HACL1: variants seen among roughly 807,000 people sequenced by gnomAD.
The protein encoded by HACL1 is 1600020H07Rik.
A neutral mutation model predicts 74.2 loss-of-function variants in HACL1; 64 were observed. The ratio of observed to expected loss-of-function variants is 0.86; its 90% CI spans 0.70 to 1.06. The LOEUF is 1.06. HACL1 is among the 50% of genes least tolerant of loss of function. HACL1 has a pLI of 0.00. For synonymous variants in HACL1, 230 were observed against 238.8 expected (o/e 0.96, Z 0.34); for missense variants, 728 against 719.7 (o/e 1.01, Z -0.13).
At chr3:15,590,542 A>G (rs1025005753) in intron 4 of HACL1, among the ~76,000 whole-genome samples, 3 of 152,218 alleles carry the variant, frequency 2.0e-5, no homozygotes, top group African/African-American at 7.2e-5. Context: ...CTCACTGGTA[A>G]AGTGCCAGAG....
At position 15,588,844 on chromosome 3, in the gene HACL1, T is replaced by C. The variant is rs187344214; in HGVS notation, c.381+696A>G. Among the ~76,000 whole-genome samples, 147 of 151,772 alleles carry C rather than the reference T, an allele frequency of 9.7e-4. 1 individual carries two copies. The highest frequency in any genetic ancestry group is 3.4e-3 in the African/African-American group (140 of 41,548). On this transcript the variant is annotated intron_variant, in intron 5 of 16. Transcript: ENST00000321169. ...CTTTCCTCCTTCTAAAATAAAAATA[T>C]ACTTGTCCAGAGTCTACTGATAATC...
Position 15,573,221 on chromosome 3 carries a change from ATTCTTC to A in HACL1, c.925_930del (p.Glu309_Glu310del), listed in dbSNP as rs1213106794. ...ACAGCGGGCTTTACATTATTCCCCA[ATTCTTC>A]TGCACAGATATCAACCTAAAAAAGA... On this transcript the variant is annotated inframe_deletion, in exon 11 of 17. Coordinates refer to ENST00000321169, the MANE Select transcript of HACL1 (RefSeq NM_012260.4). 1 of 1,606,232 alleles carries A rather than the reference ATTCTTC, an allele frequency of 6.2e-7. No individual in the cohort carries two copies. Among genetic ancestry groups the A allele is most frequent in the Non-Finnish European group, 8.5e-7 (1 of 1,173,074 alleles).
chr3:15,576,848 C>T (rs1195681373), intron 9 of HACL1, among the ~76,000 whole-genome samples: 19 of 152,092 alleles, frequency 1.2e-4, no homozygotes, highest in Admixed American at 5.2e-4. Flanking sequence ...TGAGTACATA[C>T]TCAAAAATCA....
chr3:15,580,881 C>A (rs1011570149), intron 8 of HACL1, among the ~76,000 whole-genome samples: 1 of 152,172 alleles, frequency 6.6e-6, no homozygotes, highest in African/African-American at 2.4e-5. Context: ...ACAGAGCTAA[C>A]CCCAGTGGGA....
Position 15,571,786 on chromosome 3 carries a change from C to A in HACL1, c.994-17G>T, listed in dbSNP as rs200309612. 1,263 of 607,258 alleles carry A rather than the reference C, an allele frequency of 2.1e-3. 9 individuals carry two copies. The highest frequency in any genetic ancestry group is 1.2e-3 in the Non-Finnish European group (408 of 352,080). 37.6% of individuals were successfully genotyped at this position (607,258 alleles called of 1,614,324 possible). ...CTCTAAAAGCTTAAAAAAAAAAAAA[C>A]ACACACACACAAACACATAAACTTT... On this transcript the variant is annotated splice_polypyrimidine_tract_variant and intron_variant, in intron 11 of 16. Coordinates refer to ENST00000321169, the MANE Select transcript of HACL1 (RefSeq NM_012260.4).
intron 3 of HACL1, among the ~76,000 whole-genome samples, chr3:15,595,604 CTTTTTTTTTTT>C (rs764183329): frequency 1.0e-5 from 1 of 97,324 alleles, no homozygotes; most frequent in Non-Finnish European, 2.0e-5. Flanking sequence ...ATCTTTTTTC[CTTTTTTTTTTT>C]TTTTTTTTTT....
chr3:15,578,109 A>C (rs997116852), intron 9 of HACL1, among the ~76,000 whole-genome samples: 38 of 151,488 alleles, frequency 2.5e-4, no homozygotes, highest in African/African-American at 7.5e-4. Flanking sequence ...AAAAAAAAAA[A>C]AAAAAAAAAC....
intron 3 of HACL1, among the ~76,000 whole-genome samples, chr3:15,592,197 T>TACGTACACATGC (rs1559561106): frequency 5.3e-5 from 8 of 150,308 alleles, no homozygotes; most frequent in Non-Finnish European, 1.2e-4. Context: ...CATACGTATA[T>TACGTACACATGC]ATGTATACAT....
chr3:15,574,149 G>C (rs1314900372), intron 10 of HACL1, among the ~76,000 whole-genome samples: 2 of 152,200 alleles, frequency 1.3e-5, no homozygotes, highest in Non-Finnish European at 2.9e-5. Context: ...AGAATTGCTT[G>C]AGGCCAGGAG....
chr3:15,585,096 C>A, intron 7 of HACL1, 152 bp downstream of exon 7: 5 of 476,024 alleles, frequency 1.1e-5, no homozygotes, highest in South Asian at 6.9e-5. Context: ...GAAAATTAAC[C>A]CTTTGGCTAG....
chr3:15,588,911 G>C (rs2063842726), intron 5 of HACL1, among the ~76,000 whole-genome samples: 1 of 152,004 alleles, frequency 6.6e-6, no homozygotes, highest in South Asian at 2.1e-4. Context: ...TAAAGTCTGG[G>C]AGGCATAGTC....
chr3:15,562,040 C>T (rs80243731), intron 16 of HACL1, among the ~76,000 whole-genome samples: 7,384 of 152,184 alleles, frequency 0.049, 250 homozygotes, highest in Non-Finnish European at 0.073. Context: ...GCCTGATGCC[C>T]GGAGGAGGGT....
At chr3:15,596,780 AG>A (rs2064074215) in intron 2 of HACL1, among the ~76,000 whole-genome samples, 1 of 152,096 alleles carries the variant, frequency 6.6e-6, no homozygotes, top group African/African-American at 2.4e-5. Context: ...ATCTTTTCAA[AG>A]AACAAATTTT....
intron 2 of HACL1, among the ~76,000 whole-genome samples, chr3:15,596,805 A>G (rs922312717): frequency 6.6e-6 from 1 of 152,000 alleles, no homozygotes; most frequent in African/African-American, 2.4e-5. Context: ...AGTTCTTCGA[A>G]AATTTTTGTT....
intron 9 of HACL1, among the ~76,000 whole-genome samples, chr3:15,577,654 T>C (rs1004790586): frequency 2.5e-4 from 38 of 151,952 alleles, no homozygotes; most frequent in African/African-American, 8.9e-4. Flanking sequence ...AGCTGGGTTG[T>C]AGTGGCACAC....
chr3:15,576,271 AT>A (rs1373901570), intron 9 of HACL1, among the ~76,000 whole-genome samples: 6 of 151,526 alleles, frequency 4.0e-5, no homozygotes, highest in Admixed American at 3.3e-4. Context: ...TGTTTTCTCA[AT>A]TGCTAGATAT....
In HACL1 at chr3:15,567,834, G is replaced by T; in HGVS notation, c.1409+10C>A. On this transcript the variant is annotated intron_variant, in intron 14 of 16. Transcript: ENST00000321169. ...AGAATCAAATGCTCTGATTCAGGATGATGTTTTACCTGCAGATGGTTTCTA... is the reference window on the plus strand; with the variant it reads ...AGAATCAAATGCTCTGATTCAGGATTATGTTTTACCTGCAGATGGTTTCTA... The T allele has an allele frequency of 6.2e-7, 1 of 1,609,272 alleles. No individual in the cohort carries two copies. Among genetic ancestry groups the T allele is most frequent in the South Asian group, 1.1e-5 (1 of 90,988 alleles).
chr3:15,568,812 G>A (rs2063477277), intron 12 of HACL1, among the ~76,000 whole-genome samples: 1 of 152,166 alleles, frequency 6.6e-6, no homozygotes, highest in Non-Finnish European at 1.5e-5. Context: ...ATAAGCTCGG[G>A]AATATCCCGC....
At chr3:15,599,094 C>A (rs1194941109) in intron 2 of HACL1, among the ~76,000 whole-genome samples, 1 of 152,218 alleles carries the variant, frequency 6.6e-6, no homozygotes, top group African/African-American at 2.4e-5. Context: ...CTGTGGGAAG[C>A]TGAGCCTGGG....
Sources: allele counts gnomAD v4.1 joint callset (sites outside exome capture counted in the v4.1 genomes callset), GRCh38; gene constraint gnomAD v4.1.1; transcripts MANE v1.5; gene names NCBI Gene and HGNC (gene_info 2026-07-23, HGNC 2026-07-21).